The following HECW2 variants were observed in gnomAD, a reference collection of about 807,000 sequenced individuals.
HECW2 encodes the protein E3 ubiquitin-protein ligase HECW2.
In HECW2, 61 loss-of-function variants were observed where a neutral mutation model predicts 175.2. That is an observed-to-expected ratio of 0.35 (90% CI 0.28 to 0.43). The LOEUF (loss-of-function observed/expected upper bound fraction) is 0.43. Ranked by LOEUF, HECW2 falls within the 20% of genes least tolerant of loss-of-function variation. The pLI is 1.00. For missense variants in HECW2, 1,524 were observed against 2,000.5 expected (o/e 0.76, Z 4.54); for synonymous variants, 671 against 731.0 (o/e 0.92, Z 1.32).
intron 1 of HECW2, among the ~76,000 whole-genome samples, chr2:196,521,930 C>G (rs1688409643): frequency 6.6e-6 from 1 of 151,706 alleles, no homozygotes; most frequent in African/African-American, 2.4e-5. Context: ...GTGAATAATG[C>G]CACAATAAAC....
intron 2 of HECW2, among the ~76,000 whole-genome samples, chr2:196,388,168 T>G (rs1396788862): frequency 6.6e-6 from 1 of 152,096 alleles, no homozygotes; most frequent in East Asian, 1.9e-4. Flanking sequence ...CATGGTGGCA[T>G]GCACCTGTAG....
intron 14 of HECW2, among the ~76,000 whole-genome samples, chr2:196,280,094 T>C (rs559354016): frequency 3.3e-4 from 50 of 152,338 alleles, no homozygotes; most frequent in Middle Eastern, 3.4e-3. Context: ...ATGAAACCCA[T>C]TATCTTAAGT....
At chr2:196,268,721 AGAGG>A (rs1689612334) in intron 17 of HECW2, among the ~76,000 whole-genome samples, 1 of 152,218 alleles carries the variant, frequency 6.6e-6, no homozygotes, top group African/African-American at 2.4e-5. Context: ...GGGTACACTT[AGAGG>A]AACAGATATT....
intron 1 of HECW2, among the ~76,000 whole-genome samples, chr2:196,490,604 T>C (rs528938104): frequency 1.3e-5 from 2 of 152,172 alleles, no homozygotes; most frequent in Admixed American, 6.5e-5. Context: ...CCTAGATATC[T>C]ATCCAAGAGA....
intron 1 of HECW2, among the ~76,000 whole-genome samples, chr2:196,505,139 G>C (rs751781351): frequency 1.3e-5 from 2 of 152,032 alleles, no homozygotes; most frequent in African/African-American, 2.4e-5. Context: ...CAATAGTAAT[G>C]ATAAAATTAG....
chr2:196,217,169 G>T, intron 26 of HECW2, 76 bp from the exon 27 acceptor site: 1 of 974,112 alleles, frequency 1.0e-6, no homozygotes, highest in Non-Finnish European at 1.6e-6. Flanking sequence ...GACACGAAGA[G>T]TCCCCAGACA....
At chr2:196,443,897 T>C (rs565887206) in intron 1 of HECW2, among the ~76,000 whole-genome samples, 2 of 152,228 alleles carry the variant, frequency 1.3e-5, no homozygotes, top group South Asian at 4.2e-4. Flanking sequence ...TAGCTGGGCA[T>C]GGTGGCGTGC....
intron 2 of HECW2, among the ~76,000 whole-genome samples, chr2:196,391,506 T>C (rs1272942435): frequency 6.6e-6 from 1 of 152,216 alleles, no homozygotes; most frequent in Non-Finnish European, 1.5e-5. Flanking sequence ...CTCTCATGAA[T>C]GTATGTTTTA....
At chr2:196,442,236 T>G (rs1329169233) in intron 1 of HECW2, among the ~76,000 whole-genome samples, 1 of 152,152 alleles carries the variant, frequency 6.6e-6, no homozygotes, top group Non-Finnish European at 1.5e-5. Flanking sequence ...TGAGTAGATA[T>G]TTTACCAAAA....
intron 11 of HECW2, among the ~76,000 whole-genome samples, chr2:196,307,555 T>G (rs1255638738): frequency 6.6e-6 from 1 of 152,184 alleles, no homozygotes; most frequent in African/African-American, 2.4e-5. Flanking sequence ...TGAAAAAGAA[T>G]GACTCATCTA....
intron 10 of HECW2, among the ~76,000 whole-genome samples, chr2:196,315,472 C>T (rs926666992): frequency 1.3e-5 from 2 of 152,096 alleles, no homozygotes; most frequent in African/African-American, 4.8e-5. Context: ...CCCACCTCAA[C>T]TCTAAACATC....
intron 15 of HECW2, among the ~76,000 whole-genome samples, chr2:196,275,155 G>A (rs1169127525): frequency 2.6e-5 from 4 of 152,092 alleles, no homozygotes; most frequent in Non-Finnish European, 2.9e-5. Flanking sequence ...TCTTCAAAGC[G>A]TAGTTCAAAC....
chr2:196,369,635 A>G (rs1490085349), intron 2 of HECW2, among the ~76,000 whole-genome samples: 3 of 152,110 alleles, frequency 2.0e-5, no homozygotes, highest in African/African-American at 7.2e-5. Flanking sequence ...AGTCCTGGGC[A>G]GGCCTAAAGA....
At chr2:196,232,949 T>G (rs1452447219) in intron 21 of HECW2, among the ~76,000 whole-genome samples, 1 of 152,230 alleles carries the variant, frequency 6.6e-6, no homozygotes, top group Non-Finnish European at 1.5e-5. Flanking sequence ...CAAAATAGTC[T>G]TAAACTTTGA....
chr2:196,375,102 T>C (rs1199627445), intron 2 of HECW2, among the ~76,000 whole-genome samples: 1 of 148,788 alleles, frequency 6.7e-6, no homozygotes, highest in African/African-American at 2.5e-5. Flanking sequence ...GAGGTAGCAG[T>C]GAGCTGAGAT....
intron 2 of HECW2, among the ~76,000 whole-genome samples, chr2:196,376,763 G>A (rs944563894): frequency 5.9e-5 from 9 of 151,330 alleles, no homozygotes; most frequent in East Asian, 1.9e-4. Context: ...ATGAAACCCC[G>A]TCTCTACTAA....
chr2:196,570,714 A>C (rs1690354238), intron 1 of HECW2, among the ~76,000 whole-genome samples: 1 of 152,246 alleles, frequency 6.6e-6, no homozygotes. Context: ...AAAAATAGAA[A>C]TAAATTATTT....
rs757684316 is a variant in HECW2 at position 196,240,471 on chromosome 2, C to T, written c.3742G>A (p.Val1248Ile). The T allele has an allele frequency of 2.5e-6, 4 of 1,611,760 alleles. No individual in the cohort carries two copies. Among genetic ancestry groups the T allele is most frequent in the Non-Finnish European group, 1.7e-6 (2 of 1,179,150 alleles). ...RKDLQRNKLYVTFVGEEGLDY... is the reference protein window; with the variant it reads ...RKDLQRNKLYITFVGEEGLDY... ...CACCCTTCCTCCCCAACGAAGGTGA[C>T]ATATAGCTTATTTCTCTGCAGGTCT... Residue 1248 changes from valine to isoleucine, a missense_variant, in exon 21 of 29, where the codon GTC becomes ATC. Around this residue, in one of 11 missense-constraint regions of HECW2, gnomAD observed 291 missense variants for 412.2 expected, o/e 0.71. Coordinates refer to ENST00000644978, the MANE Select transcript of HECW2 (RefSeq NM_001348768.2).
chr2:196,348,458 CACA>C (rs1182549382), intron 2 of HECW2, among the ~76,000 whole-genome samples: 4 of 151,918 alleles, frequency 2.6e-5, no homozygotes, highest in East Asian at 1.9e-4. Flanking sequence ...GCCTGGGCAA[CACA>C]ACAAGACCCT....
Sources: allele counts gnomAD v4.1 joint callset (sites outside exome capture counted in the v4.1 genomes callset), GRCh38; gene constraint gnomAD v4.1.1; regional missense constraint gnomAD v4.1.1; transcripts MANE v1.5; gene names NCBI Gene and HGNC (gene_info 2026-07-23, HGNC 2026-07-21).